Variants in KLHL22 observed in about 807,000 individuals in gnomAD.
KLHL22 encodes kelch like family member 22, also known as kelch-like protein 22.
KLHL22 carries 18 observed loss-of-function variants against 60.7 expected under a neutral mutation model. The observed-to-expected ratio is 0.30, with a 90% CI of 0.20 to 0.44. The LOEUF (loss-of-function observed/expected upper bound fraction) is 0.44, where lower values mean the gene tolerates loss of function less well. KLHL22 is among the 20% of genes least tolerant of loss of function. The pLI is 1.00. For missense variants in KLHL22, 596 were observed against 852.3 expected, an observed-to-expected ratio of 0.70 and a Z score of 3.74; for synonymous variants, 355 against 354.5, an observed-to-expected ratio of 1.00 and a Z score of -0.01.
Position 20,495,106 on chromosome 22 carries a change from G to C in KLHL22, c.-34+654C>G, listed in dbSNP as rs2053748636. Reference sequence around the variant, plus strand: ...AGGCACTCGGCCCCGCGGAGGGCCGGAGCGAGGGCGCCCAGTGAGGAGCCC... The same window carrying C: ...AGGCACTCGGCCCCGCGGAGGGCCGCAGCGAGGGCGCCCAGTGAGGAGCCC... On this transcript the variant is annotated intron_variant, in intron 1 of 6. Transcript: ENST00000328879. This position sits in a 1 kb window ranked among gnomAD's most constrained non-coding sequence, Gnocchi z 4.6. Among the ~76,000 whole-genome samples the C allele has an allele frequency of 6.6e-6, 1 of 152,182 alleles. No individual in the cohort carries two copies. The highest frequency in any genetic ancestry group is 1.9e-4 in the East Asian group (1 of 5,182).
At chr22:20,487,779 A>G (rs2053610174) in intron 2 of KLHL22, among the ~76,000 whole-genome samples, 1 of 152,204 alleles carries the variant, frequency 6.6e-6, no homozygotes, top group Non-Finnish European at 1.5e-5. Context: ...GATTAGCGAA[A>G]GGCTGCCTAC....
intron 2 of KLHL22, among the ~76,000 whole-genome samples, chr22:20,475,567 T>G (rs887613773): frequency 1.3e-5 from 2 of 151,642 alleles, no homozygotes; most frequent in Non-Finnish European, 1.5e-5. Context: ...TCCTCTAATT[T>G]TTTTTTTTTT....
chr22:20,489,800 G>A (rs1386782749), intron 1 of KLHL22: 1 of 471,214 alleles, frequency 2.1e-6, no homozygotes, highest in Non-Finnish European at 4.4e-6. Context: ...ACAGCCAGGA[G>A]TCTGGGAGGT....
At chr22:20,455,961 G>A (rs1359835239) in intron 5 of KLHL22, among the ~76,000 whole-genome samples, 1 of 152,122 alleles carries the variant, frequency 6.6e-6, no homozygotes, top group Non-Finnish European at 1.5e-5. Flanking sequence ...GCTCTGACTC[G>A]GCCTTCAGAA....
chr22:20,473,511 A>G (rs2053360540), intron 2 of KLHL22, among the ~76,000 whole-genome samples: 1 of 152,312 alleles, frequency 6.6e-6, no homozygotes, highest in African/African-American at 2.4e-5. Flanking sequence ...AGATTATAAG[A>G]GAAGCTATTT....
At chr22:20,450,128 G>A in intron 5 of KLHL22, 1 of 784,306 alleles carries the variant, frequency 1.3e-6, no homozygotes, top group South Asian at 1.3e-5. Context: ...CTTTATGGGA[G>A]GCATTATGGC....
intron 5 of KLHL22, chr22:20,450,551 A>G: frequency 3.1e-6 from 5 of 1,613,598 alleles, no homozygotes; most frequent in East Asian, 4.5e-5. Flanking sequence ...GCTGAAACCC[A>G]CAATTGTGTT....
chr22:20,477,477 G>A (rs1287223705), intron 2 of KLHL22, among the ~76,000 whole-genome samples: 3 of 152,092 alleles, frequency 2.0e-5, no homozygotes, highest in African/African-American at 2.4e-5. Flanking sequence ...ATGGTGGCAC[G>A]CATCCATAAT....
chr22:20,483,306 C>T, intron 2 of KLHL22: 1 of 714,454 alleles, frequency 1.4e-6, no homozygotes, highest in East Asian at 2.7e-5. Context: ...AGTACTTGTC[C>T]AGCTCCTGTC....
intron 2 of KLHL22, among the ~76,000 whole-genome samples, chr22:20,473,829 C>G (rs1433418546): frequency 6.6e-6 from 1 of 151,948 alleles, no homozygotes; most frequent in Non-Finnish European, 1.5e-5. Context: ...GGGCCAAGAT[C>G]GTGCCATTGC....
In KLHL22 at chr22:20,465,319, G is replaced by A; in HGVS notation, c.651C>T (p.Ala217=). The A allele has an allele frequency of 6.2e-7, 1 of 1,614,080 alleles. No homozygotes were observed. Residue 217 remains alanine (A), a synonymous_variant, in exon 4 of 7, where the codon GCC becomes GCT. Transcript: ENST00000328879. The surrounding 1 kb of genome is among the most constrained non-coding windows in gnomAD (Gnocchi z 4.9). ...GCTCCAGGCTATAATGGTAGAGAAGGGCCCCCTCATATACCTCGGTCTCGC... is the reference window on the plus strand; with the variant it reads ...GCTCCAGGCTATAATGGTAGAGAAGAGCCCCCTCATATACCTCGGTCTCGC... ...VSCETEVYEG[A]LLYHYSLEQV... is the part of the protein sequence containing the mutation.
chr22:20,493,741 CAAAAACAA>C (rs1407314835), intron 1 of KLHL22, among the ~76,000 whole-genome samples: 1 of 151,846 alleles, frequency 6.6e-6, no homozygotes, highest in Non-Finnish European at 1.5e-5. Flanking sequence ...GACTCCGTCT[CAAAAACAA>C]AAAAACAAAC....
rs61309366 is a variant in KLHL22, at chr22:20,476,135, A to G, written c.228-4620T>C. ...TCCTCTGGGTCCATTTGGAAGTCTT[A>G]TAAGTCATCTTCCTACAGATCTGGC... On this transcript the variant is annotated intron_variant, in intron 2 of 6. Transcript: ENST00000328879. Among the ~76,000 whole-genome samples, 983 of 152,314 alleles carry G rather than the reference A, an allele frequency of 6.5e-3. 13 individuals are homozygous for G. The highest frequency in any genetic ancestry group is 0.023 in the African/African-American group (944 of 41,556).
chr22:20,465,537 A>G lies in KLHL22; in HGVS notation c.433T>C (p.Ser145Pro). The part of the protein sequence containing the change: ...IIHFCCDFLM[S>P]WVDEENILDV... Reference sequence around the variant, plus strand: ...AGAATGTTCTCTTCGTCCACCCAGGACATGAGGAAATCACAGCAGAAATGG... The same window carrying G: ...AGAATGTTCTCTTCGTCCACCCAGGGCATGAGGAAATCACAGCAGAAATGG... The change falls in exon 4 of 7, where the codon TCC (serine) becomes CCC (proline). Residue 145 changes from serine (S) to proline (P), a missense_variant. By Grantham distance (74) the Ser-to-Pro change is moderately conservative. Transcript: ENST00000328879. This position sits in a 1 kb window ranked among gnomAD's most constrained non-coding sequence, Gnocchi z 4.9. 3 of 1,599,820 alleles carry G rather than the reference A, an allele frequency of 1.9e-6. No homozygotes were observed. The highest frequency in any genetic ancestry group is 2.6e-6 in the Non-Finnish European group (3 of 1,167,000).
At chr22:20,460,633 A>C (rs2053139107) in intron 4 of KLHL22, among the ~76,000 whole-genome samples, 2 of 148,428 alleles carry the variant, frequency 1.3e-5, no homozygotes, top group East Asian at 3.9e-4. Flanking sequence ...AAAAAAAAAA[A>C]AAAAAAAAAA....
At chr22:20,488,625 G>A in intron 2 of KLHL22, 1 of 269,162 alleles carries the variant, frequency 3.7e-6, no homozygotes, top group Admixed American at 5.3e-5. Context: ...TGAGAGGTGT[G>A]AGCCAGAAGG....
At chr22:20,451,380 C>T in intron 5 of KLHL22, 4 of 1,611,724 alleles carry the variant, frequency 2.5e-6, no homozygotes, top group East Asian at 2.2e-5. Flanking sequence ...GTGCCGGACT[C>T]GTAGTGGCCA....
At chr22:20,471,232 G>T (rs2053322010) in intron 3 of KLHL22, 118 bp downstream of exon 3, 2 of 938,242 alleles carry the variant, frequency 2.1e-6, no homozygotes, top group African/African-American at 1.7e-5. Flanking sequence ...TCACTGCTTG[G>T]TCTCCTCACA....
At chr22:20,483,106 C>A in intron 2 of KLHL22, 1 of 647,534 alleles carries the variant, frequency 1.5e-6, no homozygotes, top group East Asian at 2.8e-5. Context: ...GCTGCTCCAT[C>A]TACAGGGCAT....
Sources: gnomAD v4.1 joint callset for allele counts (sites outside exome capture counted in the v4.1 genomes callset) on GRCh38, gnomAD v4.1.1 for gene constraint, Gnocchi (gnomAD v3.1) non-coding constraint, MANE v1.5 for transcripts, NCBI Gene and HGNC (gene_info 2026-07-23, HGNC 2026-07-21) for gene names.